GPHN: variants seen among roughly 807,000 people sequenced by gnomAD.
The protein encoded by GPHN is gephyrin.
A neutral mutation model predicts 95.5 loss-of-function variants in GPHN; 17 were observed. That is an observed-to-expected ratio of 0.18 (90% CI 0.12 to 0.27). GPHN has a LOEUF of 0.27. GPHN is among the 10% of genes least tolerant of loss of function. GPHN has a pLI of 1.00. For synonymous variants in GPHN, 320 were observed against 322.5 expected (o/e 0.99, Z 0.08); for missense variants, 660 against 978.1 (o/e 0.67, Z 4.34).
the GPHN span, among the ~76,000 whole-genome samples, chr14:67,400,685 G>A: frequency 6.6e-6 from 1 of 152,034 alleles, no homozygotes; most frequent in African/African-American, 2.4e-5. Flanking sequence ...TGGAGTAGAG[G>A]AGAGGGCAAA....
At chr14:66,601,288 A>G (rs2062229115) in intron 1 of GPHN, among the ~76,000 whole-genome samples, 1 of 152,080 alleles carries the variant, frequency 6.6e-6, no homozygotes, top group East Asian at 1.9e-4. Flanking sequence ...GTGGATATTC[A>G]GAGGGAAGAT....
At chr14:66,962,113 C>T (rs1197318884) in intron 8 of GPHN, among the ~76,000 whole-genome samples, 3 of 150,206 alleles carry the variant, frequency 2.0e-5, no homozygotes, top group Non-Finnish European at 4.5e-5. Flanking sequence ...TTCTTGACCC[C>T]TTGTAATCAG....
intron 1 of GPHN, among the ~76,000 whole-genome samples, chr14:66,591,038 C>T (rs888189775): frequency 1.2e-4 from 18 of 151,842 alleles, no homozygotes; most frequent in Admixed American, 7.9e-4. Flanking sequence ...TTATGTAAAC[C>T]GAAGCAACGA....
intron 5 of GPHN, among the ~76,000 whole-genome samples, chr14:66,900,778 C>G (rs1375766968): frequency 1.3e-5 from 2 of 151,926 alleles, no homozygotes; most frequent in African/African-American, 4.8e-5. Context: ...TTTTCTTTAT[C>G]CATTTGTATG....
At chr14:66,745,516 C>A (rs2058108092) in intron 2 of GPHN, among the ~76,000 whole-genome samples, 1 of 151,692 alleles carries the variant, frequency 6.6e-6, no homozygotes, top group Admixed American at 6.6e-5. Flanking sequence ...TTTTTTGATT[C>A]AGTATTCTGT....
intron 1 of GPHN, among the ~76,000 whole-genome samples, chr14:66,546,352 C>T (rs2059594696): frequency 6.6e-6 from 1 of 152,074 alleles, no homozygotes; most frequent in South Asian, 2.1e-4. Context: ...AGAGGCTCCT[C>T]ACTTCCCAGA....
the GPHN span, among the ~76,000 whole-genome samples, chr14:67,732,823 CACCCACCTCAGCCT>C: frequency 1.3e-5 from 2 of 152,162 alleles, no homozygotes; most frequent in African/African-American, 2.4e-5. Context: ...TCAGGTGATC[CACCCACCTCAGCCT>C]CCCAAAGTCC....
Position 66,729,672 on chromosome 14 carries a change from ATATT to A in GPHN, c.144-46791_144-46788del, listed in dbSNP as rs938759301. Among the ~76,000 whole-genome samples the A allele has an allele frequency of 5.9e-5, 9 of 152,330 alleles. 1 individual carries two copies. Among genetic ancestry groups the A allele is most frequent in the Admixed American group, 5.9e-4 (9 of 15,300 alleles). ...TCAGAGATCATTATTTTTTGTATAT[ATATT>A]AACTTGATATGAAAATCTGAATGTG... is the stretch of plus-strand genomic sequence containing the variant. On this transcript the variant is annotated intron_variant, in intron 2 of 22. Transcript: ENST00000478722.
chr14:67,408,349 TAAAATAA>T, the GPHN span, among the ~76,000 whole-genome samples: 21 of 125,682 alleles, frequency 1.7e-4, no homozygotes, highest in East Asian at 5.7e-3. Context: ...TAAAATAAAA[TAAAATAA>T]AAAAAGAAAA....
At chr14:66,987,249 G>T (rs1251744644) in intron 9 of GPHN, among the ~76,000 whole-genome samples, 1 of 152,018 alleles carries the variant, frequency 6.6e-6, no homozygotes, top group Non-Finnish European at 1.5e-5. Flanking sequence ...TTAAACTATG[G>T]ATTATGACTC....
At chr14:67,575,534 C>A in the GPHN span, 1 of 1,056,640 alleles carries the variant, frequency 9.5e-7, no homozygotes, top group Non-Finnish European at 1.4e-6. Flanking sequence ...ATGACTGCCA[C>A]TCTATGTCCT....
the GPHN span, among the ~76,000 whole-genome samples, chr14:67,396,944 CT>C: frequency 1.8e-3 from 250 of 139,264 alleles, no homozygotes; most frequent in Middle Eastern, 7.4e-3. Flanking sequence ...TATTGGGAGA[CT>C]TTTTTTTTTT....
rs527700156 is a variant in GPHN, at chr14:66,855,242, A to G, written c.295-24697A>G. 5.9e-5 allele frequency among the ~76,000 whole-genome samples: 9 copies of G among 152,214 alleles called. No individual in the cohort carries two copies. The East Asian group carries it at 1.7e-3, about 29-fold the overall frequency. On this transcript the variant is annotated intron_variant, in intron 4 of 22. Coordinates refer to ENST00000478722, the MANE Select transcript of GPHN (RefSeq NM_020806.5). ...TACTACCTGTTTTTAAAACTTTTTCATCACCCCAGAAACTCTGTAACCTTT... is the reference window on the plus strand; with the variant it reads ...TACTACCTGTTTTTAAAACTTTTTCGTCACCCCAGAAACTCTGTAACCTTT...
intron 5 of GPHN, among the ~76,000 whole-genome samples, chr14:66,910,435 C>T (rs1338042946): frequency 6.6e-6 from 1 of 151,852 alleles, no homozygotes; most frequent in African/African-American, 2.4e-5. Context: ...GAAGCAGCAA[C>T]AGTGTGTTGA....
chr14:66,666,329 T>A (rs2065954998), intron 1 of GPHN, among the ~76,000 whole-genome samples: 1 of 151,140 alleles, frequency 6.6e-6, no homozygotes, highest in Non-Finnish European at 1.5e-5. Flanking sequence ...CACAATATCT[T>A]ATTAATAATT....
At chr14:67,202,371 G>A in the GPHN span, among the ~76,000 whole-genome samples, 1 of 152,122 alleles carries the variant, frequency 6.6e-6, no homozygotes, top group African/African-American at 2.4e-5. Flanking sequence ...AACCTGGGAG[G>A]CAGAGGTTGT....
chr14:67,280,849 T>TTCCC, the GPHN span, among the ~76,000 whole-genome samples: 260 of 101,512 alleles, frequency 2.6e-3, 4 homozygotes, highest in African/African-American at 0.015. Context: ...CCTTCCTTCC[T>TTCCC]TCCTTCCCTC....
the GPHN span, among the ~76,000 whole-genome samples, chr14:67,679,404 GTT>G: frequency 1.6e-4 from 23 of 140,720 alleles, no homozygotes; most frequent in Admixed American, 2.2e-4. Flanking sequence ...TTAATTCCAA[GTT>G]TTTTTTTTTT....
chr14:67,438,581 C>T, the GPHN span, among the ~76,000 whole-genome samples: 4,386 of 152,278 alleles, frequency 0.029, 87 homozygotes, highest in Non-Finnish European at 0.041. Flanking sequence ...AAGATTATGG[C>T]TGGGTGCGGT....
Sources: allele counts gnomAD v4.1 joint callset (sites outside exome capture counted in the v4.1 genomes callset), GRCh38; gene constraint gnomAD v4.1.1; transcripts MANE v1.5; gene names NCBI Gene and HGNC (gene_info 2026-07-23, HGNC 2026-07-21).